Variants in RBFOX3 observed in about 807,000 individuals in gnomAD.
RBFOX3 encodes the protein RNA binding protein fox-1 homolog 3.
Under a neutral mutation model 48.7 loss-of-function variants are expected in RBFOX3, and 17 were observed. The ratio of observed to expected loss-of-function variants is 0.35; its 90% CI spans 0.24 to 0.52. The LOEUF is 0.52. Ranked by LOEUF, RBFOX3 falls within the 20% of genes least tolerant of loss-of-function variation. The probability of loss-of-function intolerance (pLI) is 0.94; values close to 1 mark genes in which losing one functional copy is unlikely to be tolerated. For synonymous variants in RBFOX3, 212 were observed against 209.5 expected (o/e 1.01, Z -0.10); for missense variants, 382 against 497.5 (o/e 0.77, Z 2.21).
chr17:79,324,774 C>T (rs1176256762), intron 2 of RBFOX3, among the ~76,000 whole-genome samples: 1 of 152,230 alleles, frequency 6.6e-6, no homozygotes, highest in Non-Finnish European at 1.5e-5. Flanking sequence ...GAGCAACCTG[C>T]ACCCGTGGGA....
chr17:79,476,336 A>G (rs2077749153), intron 2 of RBFOX3, among the ~76,000 whole-genome samples: 1 of 152,246 alleles, frequency 6.6e-6, no homozygotes, highest in Non-Finnish European at 1.5e-5. Flanking sequence ...ACAGAGCTCT[A>G]AAGTCACCAA....
intron 2 of RBFOX3, among the ~76,000 whole-genome samples, chr17:79,318,583 G>A (rs2077873377): frequency 2.0e-5 from 3 of 152,186 alleles, no homozygotes; most frequent in Admixed American, 2.0e-4. Context: ...GGCCACGTGC[G>A]GTGGCTCATG....
chr17:79,630,879 A>C, the RBFOX3 span, among the ~76,000 whole-genome samples: 2 of 152,116 alleles, frequency 1.3e-5, no homozygotes, highest in Non-Finnish European at 2.9e-5. Context: ...CCAGACCTGC[A>C]AGGTTTGCTC....
chr17:79,400,048 C>T (rs1235627750), intron 2 of RBFOX3, among the ~76,000 whole-genome samples: 6 of 152,150 alleles, frequency 3.9e-5, no homozygotes, highest in Non-Finnish European at 8.8e-5. Flanking sequence ...GGTTTCCAGA[C>T]ACTTCCAACA....
At chr17:79,634,010 T>C in the RBFOX3 span, among the ~76,000 whole-genome samples, 1 of 152,234 alleles carries the variant, frequency 6.6e-6, no homozygotes, top group Non-Finnish European at 1.5e-5. Context: ...TGTCTGCTGC[T>C]ATTAACATGT....
intron 1 of RBFOX3, among the ~76,000 whole-genome samples, chr17:79,518,219 C>G (rs2085528173): frequency 6.6e-6 from 1 of 151,860 alleles, no homozygotes; most frequent in South Asian, 2.1e-4. Flanking sequence ...TTCTCTCTCT[C>G]TCCTCTTTTC....
chr17:79,225,168 G>C (rs774883482), intron 4 of RBFOX3, among the ~76,000 whole-genome samples: 1 of 152,020 alleles, frequency 6.6e-6, no homozygotes, highest in Non-Finnish European at 1.5e-5. Context: ...AGCCCACATG[G>C]CTTGCACAGT....
At chr17:79,581,909 G>T (rs1471509797) in intron 1 of RBFOX3, among the ~76,000 whole-genome samples, 2 of 152,368 alleles carry the variant, frequency 1.3e-5, no homozygotes, top group Non-Finnish European at 2.9e-5. Context: ...CTCTGCTAAA[G>T]CTCCCCTCAC....
At chr17:79,622,789 A>C in the RBFOX3 span, among the ~76,000 whole-genome samples, 1 of 152,180 alleles carries the variant, frequency 6.6e-6, no homozygotes, top group South Asian at 2.1e-4. Flanking sequence ...AGGTCCTGGG[A>C]GTTAGGACGG....
intron 3 of RBFOX3, among the ~76,000 whole-genome samples, chr17:79,262,907 T>G (rs1379534526): frequency 6.6e-6 from 1 of 152,266 alleles, no homozygotes; most frequent in Non-Finnish European, 1.5e-5. Context: ...GCCTTCTCCT[T>G]GTTTCAGGTG....
rs562653723 is a variant in RBFOX3 at position 79,420,952 on chromosome 17, G to A, written c.-175+61502C>T. On this transcript the variant is annotated intron_variant, in intron 2 of 14. Coordinates refer to ENST00000693108, the MANE Select transcript of RBFOX3 (RefSeq NM_001350451.2). ...GTCAGCCATGTACACCTCCCAAGCCGCCATGATGAAGCTGGTGAAGACTCG... is the reference window on the plus strand; with the variant it reads ...GTCAGCCATGTACACCTCCCAAGCCACCATGATGAAGCTGGTGAAGACTCG... Among the ~76,000 whole-genome samples, 6 of 152,310 alleles carry A rather than the reference G, an allele frequency of 3.9e-5. No homozygotes were observed. The South Asian group carries it at 6.2e-4, about 16-fold the overall frequency.
chr17:79,229,938 G>A (rs957362865), intron 4 of RBFOX3, among the ~76,000 whole-genome samples: 1 of 152,208 alleles, frequency 6.6e-6, no homozygotes, highest in Non-Finnish European at 1.5e-5. Context: ...TTTCACTTGT[G>A]ATGACCTGTG....
intron 4 of RBFOX3, among the ~76,000 whole-genome samples, chr17:79,228,863 G>A (rs984085907): frequency 6.6e-6 from 1 of 152,180 alleles, no homozygotes; most frequent in Non-Finnish European, 1.5e-5. Flanking sequence ...AAACACTCTG[G>A]TGAGGCAGGA....
intron 2 of RBFOX3, among the ~76,000 whole-genome samples, chr17:79,376,172 C>A (rs1315072409): frequency 6.6e-6 from 1 of 152,184 alleles, no homozygotes; most frequent in Non-Finnish European, 1.5e-5. Context: ...TCTCCAGCAG[C>A]CCCTGGGCGA....
chr17:79,217,379 G>C (rs1227149873), intron 4 of RBFOX3, among the ~76,000 whole-genome samples: 1 of 152,192 alleles, frequency 6.6e-6, no homozygotes, highest in Non-Finnish European at 1.5e-5. Context: ...TGCTTCAGGG[G>C]ATACCCCTGG....
chr17:79,187,744 G>A (rs1035424313), intron 4 of RBFOX3, among the ~76,000 whole-genome samples: 2 of 152,146 alleles, frequency 1.3e-5, no homozygotes, highest in African/African-American at 2.4e-5. Context: ...AGCAGCCAGG[G>A]CAACAGGGTT....
intron 4 of RBFOX3, chr17:79,136,505 C>G (rs1183889069): frequency 1.3e-5 from 2 of 152,452 alleles, no homozygotes; most frequent in East Asian, 1.9e-4. Context: ...GGCTACCAGA[C>G]CTCTCACTCA....
chr17:79,417,840 T>C (rs989107697), intron 2 of RBFOX3, among the ~76,000 whole-genome samples: 2 of 152,188 alleles, frequency 1.3e-5, no homozygotes, highest in African/African-American at 4.8e-5. Flanking sequence ...GATGGACGAA[T>C]GGAGAAACAG....
chr17:79,481,553 C>T lies in RBFOX3; in HGVS notation c.-175+901G>A, dbSNP rs1423447660. Reference sequence around the variant, plus strand: ...AGGAAGCTTCAAGTGTGAGGCTGGCCGTGCACGTGATTAGAGGGTTGGAAA... The same window carrying T: ...AGGAAGCTTCAAGTGTGAGGCTGGCTGTGCACGTGATTAGAGGGTTGGAAA... On this transcript the variant is annotated intron_variant, in intron 2 of 14. Transcript: ENST00000693108. This position sits in a 1 kb window ranked among gnomAD's most constrained non-coding sequence, Gnocchi z 5.4. Among the ~76,000 whole-genome samples, 3 of 152,042 alleles carry T rather than the reference C, an allele frequency of 2.0e-5. No homozygotes were observed. The highest frequency in any genetic ancestry group is 2.1e-4 in the South Asian group (1 of 4,820).
Sources: allele counts gnomAD v4.1 joint callset (sites outside exome capture counted in the v4.1 genomes callset), GRCh38; gene constraint gnomAD v4.1.1; non-coding constraint Gnocchi (gnomAD v3.1); transcripts MANE v1.5; gene names NCBI Gene and HGNC (gene_info 2026-07-23, HGNC 2026-07-21).